HIVEP1: variants seen among roughly 807,000 people sequenced by gnomAD.
The protein encoded by HIVEP1 is HIVEP zinc finger 1.
A neutral mutation model predicts 180.0 loss-of-function variants in HIVEP1; 36 were observed. The ratio of observed to expected loss-of-function variants is 0.20; its 90% CI spans 0.15 to 0.26. The LOEUF (loss-of-function observed/expected upper bound fraction) is 0.26. Ranked by LOEUF, HIVEP1 falls within the 10% of genes least tolerant of loss-of-function variation. HIVEP1 has a pLI of 1.00. For synonymous variants in HIVEP1, 1,239 were observed against 1,239.0 expected (o/e 1.00, Z 0.00); for missense variants, 3,143 against 3,268.7 (o/e 0.96, Z 0.94).
Position 12,125,420 on chromosome 6 carries a change from T to G in HIVEP1, c.5625T>G (p.Pro1875=). Residue 1875 remains proline (P), a synonymous_variant, in exon 4 of 9, where the codon CCT becomes CCG. Coordinates refer to ENST00000379388, the MANE Select transcript of HIVEP1 (RefSeq NM_002114.4). ...TAACTCTTACAGTTCGAAGTTCACC[T>G]GCTCCTTCAGAAAATACTCATATTT... is the stretch of plus-strand genomic sequence containing the variant. ...TSLTLTVRSS[P]APSENTHISP... is the part of the protein sequence containing the mutation. 6.2e-7 allele frequency: 1 copy of G among 1,614,090 alleles called. No individual in the cohort carries two copies. The highest frequency in any genetic ancestry group is 8.5e-7 in the Non-Finnish European group (1 of 1,179,946).
At position 12,122,569 on chromosome 6, in the gene HIVEP1, G is replaced by A; in HGVS notation, c.2774G>A (p.Gly925Glu). 6.2e-7 allele frequency: 1 copy of A among 1,614,174 alleles called. No individual in the cohort carries two copies. The highest frequency in any genetic ancestry group is 8.5e-7 in the Non-Finnish European group (1 of 1,180,022). Residue 925 changes from glycine (G) to glutamate (E), a missense_variant, in exon 4 of 9, where the codon GGA becomes GAA. Around this residue, in one of 12 missense-constraint regions of HIVEP1, gnomAD observed 204 missense variants for 243.7 expected, o/e 0.84. Transcript: ENST00000379388. ...CAGTCCCTGGATGAGAGCCACCAAG[G>A]ATGCCATGCTGCTGGTGAAGCCATG... is the stretch of plus-strand genomic sequence containing the variant. ...TGQSLDESHQ[G>E]CHAAGEAMSV...
intron 4 of HIVEP1, among the ~76,000 whole-genome samples, chr6:12,127,139 G>C (rs1223283182): frequency 6.6e-6 from 1 of 152,036 alleles, no homozygotes; most frequent in Non-Finnish European, 1.5e-5. Flanking sequence ...GGGATTACAG[G>C]TGTGAGCCAC....
intron 2 of HIVEP1, among the ~76,000 whole-genome samples, chr6:12,041,244 A>G (rs1354395065): frequency 1.3e-5 from 2 of 151,748 alleles, no homozygotes; most frequent in Admixed American, 6.6e-5. Flanking sequence ...ACATGGTGAA[A>G]CCCTGTCTCT....
At position 12,125,437 on chromosome 6, in the gene HIVEP1, C is replaced by G; in HGVS notation, c.5642C>G (p.Thr1881Ser). The change falls in exon 4 of 9, where the codon ACT becomes AGT. Residue 1881 changes from threonine (T) to serine (S), a missense_variant. This residue lies in a region of HIVEP1 where 1,357 missense variants were observed against 1,260.5 expected (regional missense o/e 1.08). Coordinates refer to ENST00000379388, the MANE Select transcript of HIVEP1 (RefSeq NM_002114.4). ...VRSSPAPSEN[T>S]HISPLKCTDN... The stretch of plus-strand genomic sequence containing the variant: ...AGTTCACCTGCTCCTTCAGAAAATA[C>G]TCATATTTCTCCTTTGAAATGTACA... The G allele has an allele frequency of 6.2e-7, 1 of 1,614,088 alleles. No individual in the cohort carries two copies. Among genetic ancestry groups the G allele is most frequent in the Non-Finnish European group, 8.5e-7 (1 of 1,179,980 alleles).
chr6:12,014,890 T>G lies in HIVEP1; in HGVS notation c.-103-636T>G, dbSNP rs189533826. 4.6e-5 allele frequency among the ~76,000 whole-genome samples: 7 copies of G among 152,340 alleles called. 1 individual carries two copies. Among genetic ancestry groups the G allele is most frequent in the African/African-American group, 1.7e-4 (7 of 41,568 alleles). On this transcript the variant is annotated intron_variant, in intron 1 of 8. Coordinates refer to ENST00000379388, the MANE Select transcript of HIVEP1 (RefSeq NM_002114.4). ...CACGTGGGTTAGCCAGAGCTGACTT[T>G]GTGGTGGTGTCAGATTTGCTGTCTG...
chr6:12,090,583 A>G (rs1453811829), intron 3 of HIVEP1, among the ~76,000 whole-genome samples: 2 of 150,936 alleles, frequency 1.3e-5, no homozygotes, highest in Non-Finnish European at 2.9e-5. Flanking sequence ...CTCTAATGAC[A>G]TTCTTACAGA....
chr6:12,136,813 G>A (rs1758732729), intron 7 of HIVEP1, among the ~76,000 whole-genome samples: 1 of 151,922 alleles, frequency 6.6e-6, no homozygotes, highest in Non-Finnish European at 1.5e-5. Flanking sequence ...CTGTTCATGT[G>A]TTCTAACTCA....
rs1769409074 is a variant in HIVEP1 at position 12,038,014 on chromosome 6, C to T, written c.40+22346C>T. On this transcript the variant is annotated intron_variant, in intron 2 of 8. Transcript: ENST00000379388. ...ACAGGCATGAGCCACCGCACCTAGT[C>T]TGTGGTTTTTCTTCTTCTTATTTTT... 8.2e-6 allele frequency: 3 copies of T among 366,186 alleles called. No individual in the cohort carries two copies. The South Asian group carries it at 4.5e-4, about 54-fold the overall frequency. The allele number at this position is 366,186 out of a possible 1,614,324, so 22.7% of individuals were successfully genotyped here.
chr6:12,133,991 A>G (rs1758574243), intron 6 of HIVEP1, among the ~76,000 whole-genome samples: 1 of 152,112 alleles, frequency 6.6e-6, no homozygotes, highest in African/African-American at 2.4e-5. Context: ...AAAAAAAAAA[A>G]AAGAGGACTA....
rs373379055 is a variant in HIVEP1 at position 12,161,502 on chromosome 6, A to G, written c.6551A>G (p.Asp2184Gly). The change falls in exon 8 of 9, where the codon GAT (aspartate) becomes GGT (glycine). Residue 2184 changes from aspartate (D) to glycine (G), a missense_variant. By Grantham distance (94) the Asp-to-Gly change is moderately conservative (BLOSUM62 -1). Transcript: ENST00000379388. ...GYDLEESDGP[D>G]EDDNENEDDD... is the part of the protein sequence containing the mutation. ...GATCTTGAAGAATCTGATGGCCCAGATGAGGATGACAATGAAAATGAAGAC... is the reference window on the plus strand; with the variant it reads ...GATCTTGAAGAATCTGATGGCCCAGGTGAGGATGACAATGAAAATGAAGAC... 499 of 1,613,998 alleles carry G rather than the reference A, an allele frequency of 3.1e-4. 1 individual carries two copies. Among genetic ancestry groups the G allele is most frequent in the Non-Finnish European group, 4.0e-4 (476 of 1,179,954 alleles).
rs1252937965 is a variant in HIVEP1, at chr6:12,125,696, T to C, written c.5901T>C (p.Asp1967=). 1.1e-5 allele frequency: 17 copies of C among 1,614,098 alleles called. No individual in the cohort carries two copies. In the South Asian group the frequency reaches 1.4e-4, roughly 14 times the overall value. ...ACCAGAAAACTTCAGCCTATACTGATTGGACAGTAAGCGCCAGTAATCCAA... is the reference window on the plus strand; with the variant it reads ...ACCAGAAAACTTCAGCCTATACTGACTGGACAGTAAGCGCCAGTAATCCAA... ...QKDQKTSAYT[D]WTVSASNPNP... Residue 1967 remains aspartate, a synonymous_variant, in exon 4 of 9, where the codon GAT becomes GAC. Transcript: ENST00000379388.
intron 7 of HIVEP1, 139 bp downstream of exon 7, chr6:12,136,031 A>G (rs373810259): frequency 1.9e-6 from 1 of 519,254 alleles, no homozygotes; most frequent in East Asian, 3.4e-5. Context: ...ACTCCTAATT[A>G]GTTTTTCCAT....
the HIVEP1 span, among the ~76,000 whole-genome samples, chr6:12,191,682 T>A: frequency 6.6e-6 from 1 of 152,198 alleles, no homozygotes; most frequent in African/African-American, 2.4e-5. Context: ...CAATAGTCAA[T>A]ATCGTTTGAT....
rs1757999443 is a variant in HIVEP1 at position 12,125,409 on chromosome 6, C to T, written c.5614C>T (p.Arg1872Ter). 1.9e-6 allele frequency: 3 copies of T among 1,613,706 alleles called. No homozygotes were observed. The highest frequency in any genetic ancestry group is 2.5e-6 in the Non-Finnish European group (3 of 1,179,758). ...KSSTSLTLTV[R>*]SSPAPSENTH... ...ATCCACATCATTAACTCTTACAGTTCGAAGTTCACCTGCTCCTTCAGAAAA... is the reference window on the plus strand; with the variant it reads ...ATCCACATCATTAACTCTTACAGTTTGAAGTTCACCTGCTCCTTCAGAAAA... Residue 1872 changes from arginine to a stop codon, truncating the protein, a stop_gained, in exon 4 of 9, where the codon CGA becomes TGA. Coordinates refer to ENST00000379388, the MANE Select transcript of HIVEP1 (RefSeq NM_002114.4). LOFTEE classifies it high-confidence loss of function.
downstream of HIVEP1, among the ~76,000 whole-genome samples, chr6:12,167,646 CAT>C (rs1341188361): frequency 3.6e-4 from 8 of 22,052 alleles, no homozygotes; most frequent in South Asian, 2.1e-3. Context: ...TATACATATA[CAT>C]ATATATGTTA....
At chr6:12,011,199 G>A (rs896308067), upstream of HIVEP1, among the ~76,000 whole-genome samples, 11 of 149,632 alleles carry the variant, frequency 7.4e-5, no homozygotes, top group Non-Finnish European at 1.3e-4. Flanking sequence ...GTTTTTCAAA[G>A]TTAATGAGTT....
At chr6:12,126,840 G>A (rs140812466) in intron 4 of HIVEP1, among the ~76,000 whole-genome samples, 1 of 152,144 alleles carries the variant, frequency 6.6e-6, no homozygotes, top group East Asian at 1.9e-4. Flanking sequence ...AAAAAAATAG[G>A]GATTTTTCAG....
the HIVEP1 span, among the ~76,000 whole-genome samples, chr6:12,172,885 A>C: frequency 1.0e-3 from 153 of 151,378 alleles, no homozygotes; most frequent in African/African-American, 3.4e-3. Flanking sequence ...AAGTCTATTT[A>C]GTATTCATAA....
intron 2 of HIVEP1, among the ~76,000 whole-genome samples, chr6:12,016,753 A>AT (rs1245890771): frequency 2.0e-5 from 3 of 152,172 alleles, no homozygotes; most frequent in Admixed American, 6.5e-5. Flanking sequence ...TGGAAATCTG[A>AT]TTTTTTATAG....
Sources: gnomAD v4.1 joint callset for allele counts (sites outside exome capture counted in the v4.1 genomes callset) on GRCh38, gnomAD v4.1.1 for gene constraint, gnomAD v4.1.1 regional missense constraint, MANE v1.5 for transcripts, NCBI Gene and HGNC (gene_info 2026-07-23, HGNC 2026-07-21) for gene names.